DGKB: variants seen among roughly 807,000 people sequenced by gnomAD.
DGKB encodes 90 kDa diacylglycerol kinase.
Under a neutral mutation model 114.3 loss-of-function variants are expected in DGKB, and 67 were observed. That is an observed-to-expected ratio of 0.59 (90% CI 0.48 to 0.72). DGKB has a LOEUF of 0.72. Ranked by LOEUF, DGKB falls within the 30% of genes least tolerant of loss-of-function variation. DGKB has a pLI of 0.00. For synonymous variants in DGKB, 398 were observed against 323.1 expected (o/e 1.23, Z -2.49); for missense variants, 907 against 975.2 (o/e 0.93, Z 0.93).
chr7:14,532,626 C>T (rs1423026321), intron 20 of DGKB, among the ~76,000 whole-genome samples: 1 of 150,758 alleles, frequency 6.6e-6, no homozygotes, highest in African/African-American at 2.4e-5. Context: ...CAATAAATCA[C>T]CAAAATGCAT....
chr7:14,620,759 T>C (rs191963463), intron 15 of DGKB, among the ~76,000 whole-genome samples: 1,622 of 151,906 alleles, frequency 0.011, 14 homozygotes, highest in Non-Finnish European at 0.015. Context: ...TAAAATGCTA[T>C]TCTTGATGCC....
intron 20 of DGKB, among the ~76,000 whole-genome samples, chr7:14,500,368 G>C (rs1785962585): frequency 6.6e-6 from 1 of 151,456 alleles, no homozygotes; most frequent in Non-Finnish European, 1.5e-5. Flanking sequence ...TTTAAAAATA[G>C]GTATTTTTTA....
At chr7:14,704,447 C>CAAAAAAAA (rs774905779) in intron 6 of DGKB, among the ~76,000 whole-genome samples, 2 of 53,436 alleles carry the variant, frequency 3.7e-5, no homozygotes, top group African/African-American at 5.5e-5. Context: ...GACTCCATCT[C>CAAAAAAAA]AAAAAAAAAA....
At chr7:14,676,372 G>T (rs1255371948) in intron 12 of DGKB, among the ~76,000 whole-genome samples, 1 of 152,016 alleles carries the variant, frequency 6.6e-6, no homozygotes, top group Non-Finnish European at 1.5e-5. Context: ...GCACAACAGG[G>T]TGACTACAGT....
chr7:14,753,902 CT>C, intron 4 of DGKB, 25 bp downstream of exon 4: 1 of 1,409,552 alleles, frequency 7.1e-7, no homozygotes, highest in Non-Finnish European at 9.8e-7. Flanking sequence ...AAAAGACAGA[CT>C]TTAATAGAAA....
intron 1 of DGKB, among the ~76,000 whole-genome samples, chr7:14,890,871 T>C (rs1280132140): frequency 1.1e-5 from 1 of 93,926 alleles, no homozygotes; most frequent in Non-Finnish European, 2.2e-5. Context: ...ATGCCACAAA[T>C]GAAAAAAAAA....
Position 14,320,264 on chromosome 7 carries a change from A to G in DGKB, c.2122+18251T>C, listed in dbSNP as rs536239984. ...GTGTTCTATCTACTTCTATCTTACAATGAATTCTGAGCTTATGACTTGGTT... is the reference window on the plus strand; with the variant it reads ...GTGTTCTATCTACTTCTATCTTACAGTGAATTCTGAGCTTATGACTTGGTT... On this transcript the variant is annotated intron_variant, in intron 23 of 25. Coordinates refer to ENST00000402815, the MANE Select transcript of DGKB (RefSeq NM_001350709.2). 5.3e-5 allele frequency among the ~76,000 whole-genome samples: 8 copies of G among 152,208 alleles called. No homozygotes were observed. In the South Asian group the frequency reaches 1.5e-3, roughly 28 times the overall value.
chr7:14,937,532 T>A (rs1434956692), intron 1 of DGKB, among the ~76,000 whole-genome samples: 1 of 152,200 alleles, frequency 6.6e-6, no homozygotes, highest in Admixed American at 6.5e-5. Flanking sequence ...AGATGATTAA[T>A]AGCAGCTTTA....
intron 2 of DGKB, among the ~76,000 whole-genome samples, chr7:14,797,590 T>C (rs774130347): frequency 6.6e-6 from 1 of 152,118 alleles, no homozygotes; most frequent in African/African-American, 2.4e-5. Flanking sequence ...CAGAAAGTTA[T>C]AACTTAGAGT....
rs1052591986 is a variant in DGKB at position 14,548,023 on chromosome 7, G to A, written c.1770+26189C>T. The stretch of plus-strand genomic sequence containing the variant: ...TAGAAGTATTTAAAAGAATAACATC[G>A]TTACCTTTATCTATACCTAGAAAGT... On this transcript the variant is annotated intron_variant, in intron 20 of 25. Coordinates refer to ENST00000402815, the MANE Select transcript of DGKB (RefSeq NM_001350709.2). Among the ~76,000 whole-genome samples, 11 of 152,012 alleles carry A rather than the reference G, an allele frequency of 7.2e-5. No homozygotes were observed. The East Asian group carries it at 1.5e-3, about 21-fold the overall frequency.
At chr7:14,769,123 A>AAGAAAGAGAGAG (rs1165314403) in intron 2 of DGKB, among the ~76,000 whole-genome samples, 1 of 89,146 alleles carries the variant, frequency 1.1e-5, no homozygotes, top group African/African-American at 6.2e-5. Context: ...GAAAGAAAGA[A>AAGAAAGAGAGAG]AGAGAGAGAG....
chr7:14,944,176 G>A (rs1488802522), intron 1 of DGKB, among the ~76,000 whole-genome samples: 2 of 151,850 alleles, frequency 1.3e-5, no homozygotes, highest in African/African-American at 4.8e-5. Flanking sequence ...CCTGCTAGTG[G>A]CAAAAATGCT....
intron 23 of DGKB, among the ~76,000 whole-genome samples, chr7:14,183,015 C>G (rs903959595): frequency 6.6e-6 from 1 of 152,162 alleles, no homozygotes; most frequent in Non-Finnish European, 1.5e-5. Context: ...ATTGACTCAG[C>G]AGGAGCATTT....
chr7:14,662,274 TA>T (rs142555025), intron 13 of DGKB, among the ~76,000 whole-genome samples: 12,390 of 150,874 alleles, frequency 0.082, 1,705 homozygotes, highest in African/African-American at 0.28. Flanking sequence ...AAATCCAGTT[TA>T]AAAAAAAAGT....
intron 1 of DGKB, among the ~76,000 whole-genome samples, chr7:14,933,790 T>G (rs187350082): frequency 2.6e-5 from 4 of 152,196 alleles, no homozygotes; most frequent in Non-Finnish European, 5.9e-5. Flanking sequence ...TCTTCGATTA[T>G]GATTAATATT....
At chr7:14,932,217 G>A (rs1785057200) in intron 1 of DGKB, among the ~76,000 whole-genome samples, 1 of 152,142 alleles carries the variant, frequency 6.6e-6, no homozygotes, top group East Asian at 1.9e-4. Context: ...TCTCTCTCCT[G>A]TGGTGGGGAT....
At chr7:14,432,773 A>T (rs1445771866) in intron 21 of DGKB, among the ~76,000 whole-genome samples, 2 of 151,990 alleles carry the variant, frequency 1.3e-5, no homozygotes, top group African/African-American at 4.8e-5. Flanking sequence ...TTTTTATTTT[A>T]TCTCCTCTAT....
chr7:14,448,797 A>G (rs922984732), intron 21 of DGKB, among the ~76,000 whole-genome samples: 3 of 152,114 alleles, frequency 2.0e-5, no homozygotes, highest in Admixed American at 6.6e-5. Context: ...AAATCCAGAC[A>G]AGTCTGTTTC....
At chr7:14,471,765 A>C (rs1781442215) in intron 21 of DGKB, among the ~76,000 whole-genome samples, 1 of 152,114 alleles carries the variant, frequency 6.6e-6, no homozygotes, top group African/African-American at 2.4e-5. Context: ...TAAACTATAA[A>C]GGTAGTAAGA....
Sources: allele counts gnomAD v4.1 joint callset (sites outside exome capture counted in the v4.1 genomes callset), GRCh38; gene constraint gnomAD v4.1.1; transcripts MANE v1.5; gene names NCBI Gene and HGNC (gene_info 2026-07-23, HGNC 2026-07-21).